NEDD4L: variants seen among roughly 807,000 people sequenced by gnomAD.
The protein encoded by NEDD4L is E3 ubiquitin-protein ligase NEDD4-like.
NEDD4L carries 54 observed loss-of-function variants against 148.9 expected under a neutral mutation model. The ratio of observed to expected loss-of-function variants is 0.36; its 90% confidence interval spans 0.29 to 0.45. The LOEUF (loss-of-function observed/expected upper bound fraction) is 0.45. Among genes scored for constraint, NEDD4L ranks in the 20% least tolerant of loss-of-function variants. The probability of loss-of-function intolerance (pLI) is 1.00; values close to 1 mark genes in which losing one functional copy is unlikely to be tolerated. For synonymous variants in NEDD4L, 433 were observed against 440.7 expected, an observed-to-expected ratio of 0.98 and a Z score of 0.22; for missense variants, 856 against 1,233.8, an observed-to-expected ratio of 0.69 and a Z score of 4.59.
intron 1 of NEDD4L, among the ~76,000 whole-genome samples, chr18:58,164,774 G>A (rs1314975948): frequency 1.3e-5 from 2 of 152,186 alleles, no homozygotes; most frequent in African/African-American, 4.8e-5. Flanking sequence ...TGGCCCCTGG[G>A]CCATTTTTTA....
chr18:58,256,168 C>G lies in NEDD4L; in HGVS notation c.297+4114C>G. 1 of 1,218,148 alleles carries G rather than the reference C, an allele frequency of 8.2e-7. No individual in the cohort carries two copies. The highest frequency in any genetic ancestry group is 1.0e-6 in the Non-Finnish European group (1 of 979,474). 75.5% of individuals were successfully genotyped at this position (1,218,148 alleles called of 1,614,324 possible). Reference sequence around the variant, plus strand: ...GCACGTGCGGCCGCCGCGTGCGGTGCTCCGGCCCCGTGGACTGCGCGGAGG... The same window carrying G: ...GCACGTGCGGCCGCCGCGTGCGGTGGTCCGGCCCCGTGGACTGCGCGGAGG... On this transcript the variant is annotated intron_variant, in intron 5 of 30. Coordinates refer to ENST00000400345, the MANE Select transcript of NEDD4L (RefSeq NM_001144967.3). The surrounding 1 kb of genome is among the most constrained non-coding windows in gnomAD (Gnocchi z 5.2).
At chr18:58,250,897 G>A (rs953146095) in intron 4 of NEDD4L, among the ~76,000 whole-genome samples, 4 of 152,162 alleles carry the variant, frequency 2.6e-5, no homozygotes, top group Non-Finnish European at 4.4e-5. Flanking sequence ...TGATACCTGA[G>A]TTTGGAAGAT....
chr18:58,063,949 C>CTTTTTTTTTT (rs58608106), intron 1 of NEDD4L, among the ~76,000 whole-genome samples: 1 of 129,830 alleles, frequency 7.7e-6, no homozygotes, highest in Admixed American at 7.7e-5. Context: ...TATAATGTTT[C>CTTTTTTTTTT]TTTTTTTTTT....
chr18:58,057,883 C>T (rs1339964023), intron 1 of NEDD4L, among the ~76,000 whole-genome samples: 1 of 152,202 alleles, frequency 6.6e-6, no homozygotes, highest in African/African-American at 2.4e-5. Flanking sequence ...ACAACAGGGG[C>T]AGTTTAACCC....
chr18:58,311,008 C>G (rs1267234348), intron 5 of NEDD4L, among the ~76,000 whole-genome samples: 1 of 151,148 alleles, frequency 6.6e-6, no homozygotes, highest in Non-Finnish European at 1.5e-5. Flanking sequence ...TTAAGAAACT[C>G]TAAACCTTTT....
intron 1 of NEDD4L, among the ~76,000 whole-genome samples, chr18:58,109,723 A>C (rs1297002932): frequency 6.6e-6 from 1 of 151,654 alleles, no homozygotes; most frequent in Non-Finnish European, 1.5e-5. Flanking sequence ...GGTGCCCCCC[A>C]CCACACCTGG....
chr18:58,373,341 A>G (rs900908404), intron 24 of NEDD4L, 72 bp downstream of exon 24: 5 of 856,944 alleles, frequency 5.8e-6, no homozygotes, highest in Non-Finnish European at 9.7e-6. Flanking sequence ...GGGCTGTAAC[A>G]CAACTTTGCT....
intron 2 of NEDD4L, among the ~76,000 whole-genome samples, chr18:58,199,917 A>G (rs1289973318): frequency 7.9e-5 from 12 of 152,224 alleles, no homozygotes; most frequent in Non-Finnish European, 2.9e-5. Flanking sequence ...CATGTCCTGA[A>G]CCAATGTAGA....
At chr18:58,315,887 G>C (rs368265913) in intron 5 of NEDD4L, 95 bp from the exon 6 acceptor site, 4 of 1,106,014 alleles carry the variant, frequency 3.6e-6, no homozygotes, top group Non-Finnish European at 4.2e-6. Context: ...GCCAGGCCCT[G>C]GACCTTTGTC....
rs1328373942 is a variant in NEDD4L at position 58,329,103 on chromosome 18, C to T, written c.789C>T (p.Pro263=). The part of the protein sequence containing the change: ...RHISEDLEPE[P]SEGGDVPEPW... ...TCAGCGAAGACTTGGAGCCCGAGCCCTCGGAGGGCGGGGATGTCCCCGAGG... is the reference window on the plus strand; with the variant it reads ...TCAGCGAAGACTTGGAGCCCGAGCCTTCGGAGGGCGGGGATGTCCCCGAGG... The change falls in exon 10 of 31, where the codon CCC becomes CCT. Residue 263 remains proline, a synonymous_variant. Transcript: ENST00000400345. 3.1e-6 allele frequency: 5 copies of T among 1,613,882 alleles called. No individual in the cohort carries two copies. The highest frequency in any genetic ancestry group is 4.2e-6 in the Non-Finnish European group (5 of 1,179,894).
intron 5 of NEDD4L, among the ~76,000 whole-genome samples, chr18:58,284,896 A>G (rs1168625126): frequency 6.6e-6 from 1 of 152,146 alleles, no homozygotes; most frequent in Non-Finnish European, 1.5e-5. Context: ...GGGACAAGGC[A>G]GTGGTGCACA....
intron 3 of NEDD4L, among the ~76,000 whole-genome samples, chr18:58,246,839 T>A (rs988958022): frequency 6.6e-6 from 1 of 152,340 alleles, no homozygotes; most frequent in South Asian, 2.1e-4. Context: ...AAATATTTTT[T>A]ACCCTATGTT....
chr18:58,314,180 G>T (rs910352348), intron 5 of NEDD4L, among the ~76,000 whole-genome samples: 1 of 152,176 alleles, frequency 6.6e-6, no homozygotes, highest in Non-Finnish European at 1.5e-5. Context: ...ACTTTGGGAG[G>T]TCGAGGAGGG....
rs1344113581 is a variant in NEDD4L, at chr18:58,293,616, TTAACA to T, written c.298-22361_298-22357del. Reference sequence around the variant, plus strand: ...ATGCTGTTTTTATTTAAAGTTTTAATTAACATAACCTAGTCTTTGCAAAACATCTG... The same window carrying T: ...ATGCTGTTTTTATTTAAAGTTTTAATTAACCTAGTCTTTGCAAAACATCTG... On this transcript the variant is annotated intron_variant, in intron 5 of 30. Transcript: ENST00000400345. 2.6e-5 allele frequency among the ~76,000 whole-genome samples: 4 copies of T among 152,378 alleles called. No homozygotes were observed. In the East Asian group the frequency reaches 7.7e-4, roughly 29 times the overall value.
At chr18:58,085,380 G>T (rs1321722082) in intron 1 of NEDD4L, among the ~76,000 whole-genome samples, 2 of 152,116 alleles carry the variant, frequency 1.3e-5, no homozygotes, top group Non-Finnish European at 2.9e-5. Context: ...AGCGTAGGGG[G>T]GTCATTCTGG....
chr18:58,316,286 C>T (rs1469336910), intron 6 of NEDD4L, among the ~76,000 whole-genome samples: 2 of 152,196 alleles, frequency 1.3e-5, no homozygotes, highest in Admixed American at 6.5e-5. Context: ...CTCTTTTCTG[C>T]ACTTCAGCTG....
intron 2 of NEDD4L, among the ~76,000 whole-genome samples, chr18:58,218,921 G>GATAGTGAA (rs1313261154): frequency 6.6e-6 from 1 of 152,172 alleles, no homozygotes; most frequent in East Asian, 1.9e-4. Flanking sequence ...GGCAGTGGTG[G>GATAGTGAA]TAACATTGTG....
Position 58,220,809 on chromosome 18 carries a change from C to G in NEDD4L, c.123-24618C>G, listed in dbSNP as rs2043675499. 2.0e-5 allele frequency among the ~76,000 whole-genome samples: 3 copies of G among 152,270 alleles called. No individual in the cohort carries two copies. In the South Asian group the frequency reaches 6.2e-4, roughly 32 times the overall value. ...GAAGTAGCATAGTGCCCATCGCAGG[C>G]AGAGAGCACATGTTTGACTTGCTCT... On this transcript the variant is annotated intron_variant, in intron 2 of 30. Coordinates refer to ENST00000400345, the MANE Select transcript of NEDD4L (RefSeq NM_001144967.3).
At chr18:58,112,360 C>CTTTA (rs199799632) in intron 1 of NEDD4L, among the ~76,000 whole-genome samples, 4,380 of 143,582 alleles carry the variant, frequency 0.031, 86 homozygotes, top group African/African-American at 0.037. Flanking sequence ...TCCTATTTGT[C>CTTTA]TTTATTTATT....
Sources: allele counts gnomAD v4.1 joint callset (sites outside exome capture counted in the v4.1 genomes callset), GRCh38; gene constraint gnomAD v4.1.1; non-coding constraint Gnocchi (gnomAD v3.1); transcripts MANE v1.5; gene names NCBI Gene and HGNC (gene_info 2026-07-23, HGNC 2026-07-21).